HHIPL1: variants seen among roughly 807,000 people sequenced by gnomAD.
The protein encoded by HHIPL1 is HHIP like 1, also known as HHIP-like protein 1.
HHIPL1 carries 43 observed loss-of-function variants against 61.8 expected under a neutral mutation model. The ratio of observed to expected loss-of-function variants is 0.70; its 90% CI spans 0.55 to 0.90. HHIPL1 has a LOEUF of 0.90. Among genes scored for constraint, HHIPL1 ranks in the 40% least tolerant of loss-of-function variants. HHIPL1 has a pLI of 0.00. For missense variants in HHIPL1, 1,056 were observed against 1,157.7 expected (o/e 0.91, Z 1.28); for synonymous variants, 482 against 515.8 (o/e 0.93, Z 0.89).
the HHIPL1 span, among the ~76,000 whole-genome samples, chr14:99,612,161 C>T: frequency 1.3e-5 from 2 of 152,176 alleles, no homozygotes; most frequent in Admixed American, 6.5e-5. Context: ...TTACCAATCA[C>T]GGTGGCAGGA....
At chr14:99,655,809 A>G (rs2056018452) in intron 2 of HHIPL1, among the ~76,000 whole-genome samples, 1 of 151,934 alleles carries the variant, frequency 6.6e-6, no homozygotes, top group Non-Finnish European at 1.5e-5. Flanking sequence ...AGCTGCTACC[A>G]CTCTTGGGTT....
intron 2 of HHIPL1, among the ~76,000 whole-genome samples, chr14:99,654,713 G>GA (rs2055999976): frequency 6.6e-6 from 1 of 152,220 alleles, no homozygotes; most frequent in South Asian, 2.1e-4. Context: ...AGGCTAATGT[G>GA]AAGCTTTATG....
chr14:99,616,492 A>C, the HHIPL1 span, among the ~76,000 whole-genome samples: 1 of 152,330 alleles, frequency 6.6e-6, no homozygotes, highest in African/African-American at 2.4e-5. Flanking sequence ...AAGCCTCCTC[A>C]TCCGTAAGAG....
the HHIPL1 span, among the ~76,000 whole-genome samples, chr14:99,633,657 C>T: frequency 1.3e-5 from 2 of 152,300 alleles, no homozygotes; most frequent in African/African-American, 2.4e-5. Context: ...TTAACTATCC[C>T]GCTTACTAAA....
the HHIPL1 span, among the ~76,000 whole-genome samples, chr14:99,632,113 A>G: frequency 5.3e-5 from 8 of 152,292 alleles, no homozygotes; most frequent in East Asian, 1.5e-3. Flanking sequence ...TAGGTCTTGC[A>G]CTAGAGTCTC....
At chr14:99,654,420 T>C (rs1020538017) in intron 2 of HHIPL1, among the ~76,000 whole-genome samples, 1 of 152,114 alleles carries the variant, frequency 6.6e-6, no homozygotes, top group African/African-American at 2.4e-5. Flanking sequence ...GCCAAGAAGC[T>C]GCTTAAAGCA....
the HHIPL1 span, among the ~76,000 whole-genome samples, chr14:99,617,489 C>T: frequency 1.1e-4 from 17 of 152,062 alleles, no homozygotes; most frequent in South Asian, 2.1e-4. Context: ...CCAGAAAGAA[C>T]AACTAAATGT....
At position 99,679,187 on chromosome 14, in the gene HHIPL1, A is replaced by T. The variant is rs1349152047; in HGVS notation, c.*3561A>T. The T allele has an allele frequency of 6.6e-6, 1 of 152,074 alleles. No individual in the cohort carries two copies. Among genetic ancestry groups the T allele is most frequent in the African/African-American group, 2.4e-5 (1 of 41,374 alleles). 9.4% of individuals were successfully genotyped at this position (152,074 alleles called of 1,614,324 possible). On this transcript the variant is annotated 3_prime_UTR_variant, in exon 9 of 9. Transcript: ENST00000330710. The stretch of plus-strand genomic sequence containing the variant: ...CTCAAGGGCATTGAAAGCCAGCCCC[A>T]CCCCACTGGGACACAAGTTCAGAGA...
In HHIPL1 at chr14:99,659,737, G is replaced by C; in HGVS notation, c.1356G>C (p.Leu452=). The C allele has an allele frequency of 2.8e-6, 4 of 1,444,476 alleles. No homozygotes were observed. Among genetic ancestry groups the C allele is most frequent in the Non-Finnish European group, 3.6e-6 (4 of 1,103,888 alleles). The allele number at this position is 1,444,476 out of a possible 1,614,324, so 89.5% of individuals were successfully genotyped here. ...REGFECYDRS[L]CANTSLNDLL... ...GGTTCGAGTGCTACGACCGCAGCCT[G>C]TGCGCCAACACCTCTCTCAGTGAGT... The change falls in exon 4 of 9, where the codon CTG becomes CTC. Residue 452 remains leucine, a synonymous_variant. Coordinates refer to ENST00000330710, the MANE Select transcript of HHIPL1 (RefSeq NM_001127258.3).
chr14:99,654,228 C>G (rs1225770479), intron 2 of HHIPL1, among the ~76,000 whole-genome samples: 1 of 150,820 alleles, frequency 6.6e-6, no homozygotes, highest in African/African-American at 2.4e-5. Flanking sequence ...AAAAAGGCAA[C>G]CTGGGGAAGG....
intron 1 of HHIPL1, among the ~76,000 whole-genome samples, chr14:99,647,763 A>G (rs1165981319): frequency 6.6e-6 from 1 of 152,112 alleles, no homozygotes; most frequent in Non-Finnish European, 1.5e-5. Flanking sequence ...GAGGTGCCTT[A>G]TTCATAGGTC....
chr14:99,634,303 A>G, the HHIPL1 span, among the ~76,000 whole-genome samples: 1 of 152,114 alleles, frequency 6.6e-6, no homozygotes, highest in Non-Finnish European at 1.5e-5. Context: ...GGTCCTTTCC[A>G]TTATATTTTC....
intron 1 of HHIPL1, 65 bp downstream of exon 1, chr14:99,645,527 G>A: frequency 5.7e-6 from 7 of 1,238,470 alleles, no homozygotes; most frequent in Non-Finnish European, 7.1e-6. Flanking sequence ...AGCAGAGATC[G>A]GAACCCCGCG....
chr14:99,675,893 C>T lies in HHIPL1; in HGVS notation c.*267C>T, dbSNP rs2056386754. ...GTTCCTTTCTTACCTCCAAGCGTTT[C>T]AGACACCAGCAGGAACAGCAGCCGG... On this transcript the variant is annotated 3_prime_UTR_variant, in exon 9 of 9. Coordinates refer to ENST00000330710, the MANE Select transcript of HHIPL1 (RefSeq NM_001127258.3). This position sits in a 1 kb window ranked among gnomAD's most constrained non-coding sequence, Gnocchi z 5.4. 1 of 390,612 alleles carries T rather than the reference C, an allele frequency of 2.6e-6. No individual in the cohort carries two copies. The highest frequency in any genetic ancestry group is 2.1e-5 in the African/African-American group (1 of 48,206). 24.2% of individuals were successfully genotyped at this position (390,612 alleles called of 1,614,324 possible). A position where few individuals can be genotyped will look rare whatever the true frequency, so the allele number is the denominator to read the frequency against.
At chr14:99,612,313 A>T in the HHIPL1 span, among the ~76,000 whole-genome samples, 1 of 152,098 alleles carries the variant, frequency 6.6e-6, no homozygotes, top group Admixed American at 6.5e-5. Flanking sequence ...GGATTATTAC[A>T]ATTCAAGGTG....
chr14:99,659,458 C>G lies in HHIPL1; in HGVS notation c.1077C>G (p.Ile359Met). 6.6e-7 allele frequency: 1 copy of G among 1,507,338 alleles called. No homozygotes were observed. Among genetic ancestry groups the G allele is most frequent in the Non-Finnish European group, 8.8e-7 (1 of 1,132,088 alleles). The allele number at this position is 1,507,338 out of a possible 1,614,324, so 93.4% of individuals were successfully genotyped here. Reference sequence around the variant, plus strand: ...CGCTGCTGGGCAAGGTGCTGCGCATCGACGTGGACCGTAAGGAGCGCGGCC... The same window carrying G: ...CGCTGCTGGGCAAGGTGCTGCGCATGGACGTGGACCGTAAGGAGCGCGGCC... The part of the protein sequence containing the change: ...KSALLGKVLR[I>M]DVDRKERGLP... The change falls in exon 4 of 9, where the codon ATC becomes ATG. Residue 359 changes from isoleucine to methionine, a missense_variant. Ile to Met is a conservative substitution (Grantham distance 10). Transcript: ENST00000330710.
At chr14:99,655,521 G>T in intron 2 of HHIPL1, among the ~76,000 whole-genome samples, 1 of 152,140 alleles carries the variant, frequency 6.6e-6, no homozygotes, top group Middle Eastern at 3.2e-3. Flanking sequence ...CTACTCAGGA[G>T]GCTGGGGCAG....
At chr14:99,641,476 C>T (rs529219957), upstream of HHIPL1, among the ~76,000 whole-genome samples, 27 of 150,976 alleles carry the variant, frequency 1.8e-4, no homozygotes, top group African/African-American at 6.3e-4. Flanking sequence ...AGCAATGGTG[C>T]AATCCCAGCT....
the HHIPL1 span, among the ~76,000 whole-genome samples, chr14:99,617,013 A>C: frequency 6.6e-6 from 1 of 152,154 alleles, no homozygotes; most frequent in Admixed American, 6.5e-5. Flanking sequence ...AGGAAGGAGG[A>C]TCCTTCCTGG....
Sources: gnomAD v4.1 joint callset for allele counts (sites outside exome capture counted in the v4.1 genomes callset) on GRCh38, gnomAD v4.1.1 for gene constraint, Gnocchi (gnomAD v3.1) non-coding constraint, MANE v1.5 for transcripts, NCBI Gene and HGNC (gene_info 2026-07-23, HGNC 2026-07-21) for gene names.